RIN2: variants seen among roughly 807,000 people sequenced by gnomAD.
The protein encoded by RIN2 is RAB5 interacting protein 2.
Under a neutral mutation model 78.0 loss-of-function variants are expected in RIN2, and 36 were observed. The observed-to-expected ratio is 0.46, with a 90% confidence interval of 0.35 to 0.61. The LOEUF (loss-of-function observed/expected upper bound fraction) is 0.61, where lower values mean the gene tolerates loss of function less well. Ranked by LOEUF, RIN2 falls within the 20% of genes least tolerant of loss-of-function variation. RIN2 has a pLI of 0.00. For synonymous variants in RIN2, 466 were observed against 466.8 expected (o/e 1.00, Z 0.02); for missense variants, 1,087 against 1,159.7 (o/e 0.94, Z 0.91).
Position 20,001,080 on chromosome 20 carries a change from G to A in RIN2, c.*144G>A. 1 of 717,644 alleles carries A rather than the reference G, an allele frequency of 1.4e-6. No individual in the cohort carries two copies. The allele number at this position is 717,644 out of a possible 1,614,324, so 44.5% of individuals were successfully genotyped here. ...ACTAAGCCATCCACAGGCCAACTCG[G>A]CCAAGGGCAACTTTAGCCACGCAAG... On this transcript the variant is annotated 3_prime_UTR_variant, in exon 13 of 13. Transcript: ENST00000255006.
At chr20:19,910,502 T>C (rs765187537) in intron 3 of RIN2, among the ~76,000 whole-genome samples, 1 of 150,924 alleles carries the variant, frequency 6.6e-6, no homozygotes, top group African/African-American at 2.4e-5. Context: ...TTTTCTTTTC[T>C]TCTTCTTTTT....
intron 12 of RIN2, among the ~76,000 whole-genome samples, chr20:19,997,179 G>A (rs983070412): frequency 6.6e-6 from 1 of 152,202 alleles, no homozygotes; most frequent in South Asian, 2.1e-4. Context: ...GCTGTGTTAC[G>A]CGATGCAATT....
At chr20:19,963,855 CTTTTTTTTT>C (rs869033357) in intron 6 of RIN2, among the ~76,000 whole-genome samples, 2 of 86,622 alleles carry the variant, frequency 2.3e-5, no homozygotes, top group African/African-American at 5.0e-5. Context: ...CAGTATGTGT[CTTTTTTTTT>C]TTTTTTTTTT....
In RIN2 at chr20:19,975,163, G is replaced by T. The variant is rs373615542; in HGVS notation, c.1138G>T (p.Gly380Cys). The T allele has an allele frequency of 8.7e-6, 14 of 1,611,522 alleles. No individual in the cohort carries two copies. The highest frequency in any genetic ancestry group is 1.2e-5 in the Non-Finnish European group (14 of 1,179,272). The change falls in exon 9 of 13, where the codon GGC becomes TGC. Residue 380 changes from glycine (G) to cysteine (C), a missense_variant. Gly to Cys is a radical substitution (Grantham distance 159). This residue lies in a region of RIN2 where 706 missense variants were observed against 667.5 expected (regional missense o/e 1.06). Coordinates refer to ENST00000255006, the MANE Select transcript of RIN2 (RefSeq NM_018993.4). The surrounding 1 kb of genome is among the most constrained non-coding windows in gnomAD (Gnocchi z 4.9). ...AEGGAKTLSG[G>C]RPGAGPELEL... ...GGGCGGTGCAAAGACCTTGAGCGGC[G>T]GCCGGCCGGGCGCAGGCCCGGAGCT...
chr20:19,907,630 G>A (rs2039274888), intron 3 of RIN2, among the ~76,000 whole-genome samples: 1 of 152,246 alleles, frequency 6.6e-6, no homozygotes, highest in South Asian at 2.1e-4. Flanking sequence ...GAGGGTGGAG[G>A]TGGGTCTGGG....
intron 9 of RIN2, among the ~76,000 whole-genome samples, chr20:19,977,302 A>G (rs954735286): frequency 6.6e-6 from 1 of 152,182 alleles, no homozygotes. Context: ...TGTAAGAACC[A>G]ACCCAAGTTA....
chr20:19,810,680 GTACTTTTTTTT>G (rs2035561568), intron 2 of RIN2, among the ~76,000 whole-genome samples: 1 of 137,990 alleles, frequency 7.2e-6, no homozygotes, highest in Non-Finnish European at 1.5e-5. Context: ...AGATTATAAG[GTACTTTTTTTT>G]TTTTTTTTTT....
intron 2 of RIN2, among the ~76,000 whole-genome samples, chr20:19,819,040 G>A (rs764224020): frequency 1.3e-5 from 2 of 152,210 alleles, no homozygotes; most frequent in Non-Finnish European, 2.9e-5. Context: ...GCATGTGCAC[G>A]TGGGCATACA....
intron 8 of RIN2, among the ~76,000 whole-genome samples, chr20:19,974,187 G>A (rs777893524): frequency 1.3e-5 from 2 of 152,192 alleles, no homozygotes; most frequent in African/African-American, 2.4e-5. Context: ...GCCCATTAAA[G>A]GGGAACTTCA....
At chr20:19,981,158 G>A in intron 9 of RIN2, among the ~76,000 whole-genome samples, 1 of 152,182 alleles carries the variant, frequency 6.6e-6, no homozygotes. Flanking sequence ...GGCGTAGCAA[G>A]GTCAAGCCAA....
intron 5 of RIN2, among the ~76,000 whole-genome samples, chr20:19,957,021 T>C (rs2041572965): frequency 1.3e-5 from 2 of 152,274 alleles, no homozygotes; most frequent in South Asian, 4.1e-4. Flanking sequence ...TCAGTTACCA[T>C]GGGAGGTACA....
chr20:19,884,570 T>G lies in RIN2; in HGVS notation c.-36-4996T>G, dbSNP rs553150653. ...TTCATGACCTTCAAACTTAAAATTT[T>G]TTTTTAAAATGACTGTTGGGTGAGG... On this transcript the variant is annotated intron_variant, in intron 2 of 12. Transcript: ENST00000255006. 1.9e-3 allele frequency among the ~76,000 whole-genome samples: 288 copies of G among 152,246 alleles called. 1 individual carries two copies. Among genetic ancestry groups the G allele is most frequent in the Non-Finnish European group, 3.4e-3 (232 of 68,042 alleles).
intron 2 of RIN2, among the ~76,000 whole-genome samples, chr20:19,881,841 T>G (rs1410246239): frequency 1.3e-5 from 2 of 152,188 alleles, no homozygotes; most frequent in Non-Finnish European, 2.9e-5. Context: ...ACAAAAAACA[T>G]TGTAAGAATA....
At chr20:19,844,058 A>T (rs545107075) in intron 2 of RIN2, among the ~76,000 whole-genome samples, 62 of 152,334 alleles carry the variant, frequency 4.1e-4, no homozygotes, top group Admixed American at 4.0e-3. Flanking sequence ...ATATGATGGT[A>T]AATCATATTG....
rs112310668 is a variant in RIN2 at position 19,853,080 on chromosome 20, T to G, written c.-36-36486T>G. Reference sequence around the variant, plus strand: ...CCAGTGTGTGATGTTCCCCTTCCTGTGTCCATGTGTTCTCATTGTTCAATT... The same window carrying G: ...CCAGTGTGTGATGTTCCCCTTCCTGGGTCCATGTGTTCTCATTGTTCAATT... On this transcript the variant is annotated intron_variant, in intron 2 of 12. Coordinates refer to ENST00000255006, the MANE Select transcript of RIN2 (RefSeq NM_018993.4). Among the ~76,000 whole-genome samples, 42 of 139,856 alleles carry G rather than the reference T, an allele frequency of 3.0e-4. 1 individual carries two copies. Among genetic ancestry groups the G allele is most frequent in the African/African-American group, 9.8e-4 (37 of 37,642 alleles). 91.8% of individuals were successfully genotyped at this position (139,856 alleles called of 152,430 possible).
chr20:19,935,240 A>C (rs1313765446), intron 4 of RIN2, 41 bp downstream of exon 4: 1 of 1,515,000 alleles, frequency 6.6e-7, no homozygotes, highest in South Asian at 1.2e-5. Flanking sequence ...CGAGAAAGGG[A>C]TCGAGTGAAC....
chr20:19,951,631 T>G (rs189476733), intron 4 of RIN2, among the ~76,000 whole-genome samples: 143 of 139,062 alleles, frequency 1.0e-3, no homozygotes, highest in African/African-American at 4.1e-3. Flanking sequence ...CTAAGTCTTT[T>G]GCCTTCTGAT....
intron 2 of RIN2, among the ~76,000 whole-genome samples, chr20:19,844,574 A>AGCTGCTGCTGCTGCTGCTGCT (rs67145587): frequency 1.6e-4 from 22 of 139,810 alleles, no homozygotes; most frequent in African/African-American, 5.9e-4. Flanking sequence ...CCAACTAGAG[A>AGCTGCTGCTGCTGCTGCTGCT]GCTGCTGCTG....
At chr20:19,875,713 A>T (rs925756999) in intron 2 of RIN2, among the ~76,000 whole-genome samples, 1 of 152,108 alleles carries the variant, frequency 6.6e-6, no homozygotes, top group African/African-American at 2.4e-5. Flanking sequence ...TGAAACAGAC[A>T]CAGACAGTGG....
Sources: allele counts gnomAD v4.1 joint callset (sites outside exome capture counted in the v4.1 genomes callset), GRCh38; gene constraint gnomAD v4.1.1; regional missense constraint gnomAD v4.1.1; non-coding constraint Gnocchi (gnomAD v3.1); transcripts MANE v1.5; gene names NCBI Gene and HGNC (gene_info 2026-07-23, HGNC 2026-07-21).